Variants in CAMTA1 observed in about 807,000 individuals in gnomAD.
CAMTA1 encodes calmodulin binding transcription activator 1.
A neutral mutation model predicts 170.9 loss-of-function variants in CAMTA1; 27 were observed. The observed-to-expected ratio is 0.16, with a 90% confidence interval of 0.12 to 0.22. The LOEUF (loss-of-function observed/expected upper bound fraction) is 0.22. CAMTA1 is among the 10% of genes least tolerant of loss of function. CAMTA1 has a pLI of 1.00. For synonymous variants in CAMTA1, 833 were observed against 891.5 expected (o/e 0.93, Z 1.17); for missense variants, 1,619 against 2,217.2 (o/e 0.73, Z 5.42).
intron 3 of CAMTA1, among the ~76,000 whole-genome samples, chr1:7,024,544 A>G (rs1410533795): frequency 6.6e-6 from 1 of 152,250 alleles, no homozygotes; most frequent in Non-Finnish European, 1.5e-5. Context: ...CTGCACTAGC[A>G]GTGTGATGCT....
rs2095255619 is a variant in CAMTA1, at chr1:7,580,959, C to G, written c.511-59441C>G. Among the ~76,000 whole-genome samples the G allele has an allele frequency of 6.6e-6, 1 of 152,214 alleles. No individual in the cohort carries two copies. The highest frequency in any genetic ancestry group is 2.4e-5 in the African/African-American group (1 of 41,454). ...AAATGGGATAATAATAGAAAATACC[C>G]TAAAAGGTTGTTGAGAAAATGGAAC... is the stretch of plus-strand genomic sequence containing the variant. On this transcript the variant is annotated intron_variant, in intron 6 of 22. Coordinates refer to ENST00000303635, the MANE Select transcript of CAMTA1 (RefSeq NM_015215.4). This position sits in a 1 kb window ranked among gnomAD's most constrained non-coding sequence, Gnocchi z 4.3.
chr1:7,755,982 A>G (rs2096928742), intron 22 of CAMTA1, among the ~76,000 whole-genome samples: 1 of 152,234 alleles, frequency 6.6e-6, no homozygotes, highest in Non-Finnish European at 1.5e-5. Flanking sequence ...GGCCACGTAC[A>G]CGGCCAAATA....
chr1:7,387,677 A>G (rs545312724), intron 5 of CAMTA1, among the ~76,000 whole-genome samples: 8 of 152,272 alleles, frequency 5.3e-5, no homozygotes, highest in African/African-American at 1.9e-4. Context: ...CAGGTTTTAA[A>G]ATGTGCACGG....
At chr1:7,212,149 G>GGGCA (rs1658884976) in intron 4 of CAMTA1, among the ~76,000 whole-genome samples, 1 of 152,160 alleles carries the variant, frequency 6.6e-6, no homozygotes, top group Non-Finnish European at 1.5e-5. Context: ...AAAATACTGT[G>GGGCA]TTCATAAGCC....
chr1:6,924,008 A>C (rs1242324654), intron 3 of CAMTA1, among the ~76,000 whole-genome samples: 3 of 152,282 alleles, frequency 2.0e-5, no homozygotes, highest in African/African-American at 7.2e-5. Context: ...TCCAAAATGA[A>C]GGGGCTACCT....
chr1:6,949,350 C>T (rs1188588482), intron 3 of CAMTA1, among the ~76,000 whole-genome samples: 2 of 152,216 alleles, frequency 1.3e-5, no homozygotes. Context: ...TGGGAGATCC[C>T]GCTTTGAACG....
At chr1:7,337,449 A>G (rs2083456533) in intron 5 of CAMTA1, among the ~76,000 whole-genome samples, 2 of 152,166 alleles carry the variant, frequency 1.3e-5, no homozygotes, top group Non-Finnish European at 2.9e-5. Context: ...GCAGACTTTG[A>G]GGGAAGTGGT....
chr1:7,506,624 G>A (rs2094117025), intron 6 of CAMTA1, among the ~76,000 whole-genome samples: 1 of 150,220 alleles, frequency 6.7e-6, no homozygotes, highest in South Asian at 2.1e-4. Flanking sequence ...TCATACTAAT[G>A]TTCAACATTC....
chr1:7,496,032 G>T (rs1225700803), intron 6 of CAMTA1, among the ~76,000 whole-genome samples: 1 of 152,070 alleles, frequency 6.6e-6, no homozygotes, highest in Non-Finnish European at 1.5e-5. Flanking sequence ...CTCTATCCTG[G>T]CCCAGGGCCA....
In CAMTA1 at chr1:7,310,700, CTCTTTCTTTCTTTCTTTCTT is replaced by C. The variant is rs71571885; in HGVS notation, c.438+61100_438+61119del. ...TCTTTCTCTCTCTCTCTCTCTCTCT[CTCTTTCTTTCTTTCTTTCTT>C]TCTTTCTTTCTTTCTTTCTTTCTTT... On this transcript the variant is annotated intron_variant, in intron 5 of 22. Transcript: ENST00000303635. 3.2e-4 allele frequency among the ~76,000 whole-genome samples: 17 copies of C among 53,488 alleles called. 1 individual carries two copies. The highest frequency in any genetic ancestry group is 8.9e-4 in the African/African-American group (7 of 7,856). The allele number at this position is 53,488 out of a possible 152,430, so 35.1% of individuals were successfully genotyped here. A position where few individuals can be genotyped will look rare whatever the true frequency, so the allele number is the denominator to read the frequency against.
Position 7,747,796 on chromosome 1 carries a change from T to C in CAMTA1, c.4689+15T>C. The C allele has an allele frequency of 1.1e-5, 17 of 1,596,916 alleles. No homozygotes were observed. The highest frequency in any genetic ancestry group is 1.4e-5 in the Non-Finnish European group (16 of 1,168,472). ...AATATAAACAGGTAAACCTCAGTTTTGCACCACAGAAGGAAACTGTGCCCC... is the reference window on the plus strand; with the variant it reads ...AATATAAACAGGTAAACCTCAGTTTCGCACCACAGAAGGAAACTGTGCCCC... On this transcript the variant is annotated intron_variant, in intron 19 of 22. Coordinates refer to ENST00000303635, the MANE Select transcript of CAMTA1 (RefSeq NM_015215.4).
In CAMTA1 at chr1:7,204,559, T is replaced by A. The variant is rs549618161; in HGVS notation, c.303-44932T>A. On this transcript the variant is annotated intron_variant, in intron 4 of 22. Coordinates refer to ENST00000303635, the MANE Select transcript of CAMTA1 (RefSeq NM_015215.4). The stretch of plus-strand genomic sequence containing the variant: ...CTATCCTTTTACATTTATTGAGGTA[T>A]GTTTTATGGCCTTGCAGATGGTCTA... Among the ~76,000 whole-genome samples, 6 of 152,248 alleles carry A rather than the reference T, an allele frequency of 3.9e-5. No homozygotes were observed. In the South Asian group the frequency reaches 1.0e-3, roughly 26 times the overall value.
At chr1:7,261,185 GTGGC>G (rs1558322738) in intron 5 of CAMTA1, among the ~76,000 whole-genome samples, 1 of 152,200 alleles carries the variant, frequency 6.6e-6, no homozygotes, top group African/African-American at 2.4e-5. Context: ...TCCACAGCAA[GTGGC>G]TGCGGGTTCC....
chr1:7,665,846 G>A lies in CAMTA1; in HGVS notation c.2652+647G>A, dbSNP rs927724526. Among the ~76,000 whole-genome samples, 1 of 151,820 alleles carries A rather than the reference G, an allele frequency of 6.6e-6. No homozygotes were observed. The highest frequency in any genetic ancestry group is 1.5e-5 in the Non-Finnish European group (1 of 67,944). On this transcript the variant is annotated intron_variant, in intron 9 of 22. Coordinates refer to ENST00000303635, the MANE Select transcript of CAMTA1 (RefSeq NM_015215.4). The surrounding 1 kb of genome is among the most constrained non-coding windows in gnomAD (Gnocchi z 4.3). ...TTTGCTTTGCTTTTTTTTTGAAAAGGGGTCCCAGGGTTGCTTAAAAAAATT... is the reference window on the plus strand; with the variant it reads ...TTTGCTTTGCTTTTTTTTTGAAAAGAGGTCCCAGGGTTGCTTAAAAAAATT...
chr1:7,432,982 GAC>G (rs1485738427), intron 5 of CAMTA1, among the ~76,000 whole-genome samples: 1 of 152,204 alleles, frequency 6.6e-6, no homozygotes, highest in Non-Finnish European at 1.5e-5. Flanking sequence ...CTCCAGACCC[GAC>G]AGACCCCCAG....
At chr1:6,905,653 A>T (rs1000764595) in intron 3 of CAMTA1, among the ~76,000 whole-genome samples, 4 of 152,052 alleles carry the variant, frequency 2.6e-5, no homozygotes, top group African/African-American at 9.7e-5. Flanking sequence ...TTCAAGTTTC[A>T]GTTAAACTCT....
chr1:7,428,305 A>G (rs1031185355), intron 5 of CAMTA1, among the ~76,000 whole-genome samples: 2 of 151,932 alleles, frequency 1.3e-5, no homozygotes, highest in Non-Finnish European at 2.9e-5. Context: ...CAGCACCTAG[A>G]CCAGTGCCCA....
chr1:7,276,303 A>ATATATATATATATATATTTTT, intron 5 of CAMTA1, among the ~76,000 whole-genome samples: 3 of 24,230 alleles, frequency 1.2e-4, no homozygotes, highest in Non-Finnish European at 1.2e-4. Context: ...ATATATATAT[A>ATATATATATATATATATTTTT]TTTTTTTTTT....
At chr1:7,048,512 G>C (rs1047576033) in intron 3 of CAMTA1, among the ~76,000 whole-genome samples, 1 of 152,178 alleles carries the variant, frequency 6.6e-6, no homozygotes, top group African/African-American at 2.4e-5. Context: ...GTGTGGCTAC[G>C]CCAGCTGGGC....
Sources: allele counts gnomAD v4.1 joint callset (sites outside exome capture counted in the v4.1 genomes callset), GRCh38; gene constraint gnomAD v4.1.1; non-coding constraint Gnocchi (gnomAD v3.1); transcripts MANE v1.5; gene names NCBI Gene and HGNC (gene_info 2026-07-23, HGNC 2026-07-21).